Variants in SPRYD4 observed in about 807,000 individuals in gnomAD.
SPRYD4 encodes SPRY domain-containing protein 4.
A neutral mutation model predicts 16.6 loss-of-function variants in SPRYD4; 12 were observed. The observed-to-expected ratio is 0.72, with a 90% CI of 0.46 to 1.17. The LOEUF (loss-of-function observed/expected upper bound fraction) is 1.17. Ranked by LOEUF, SPRYD4 falls within the 50% of genes most tolerant of loss-of-function variation. SPRYD4 has a pLI of 0.00. For missense variants in SPRYD4, 260 were observed against 260.2 expected (o/e 1.00, Z 0.00); for synonymous variants, 98 against 105.4 (o/e 0.93, Z 0.43).
In SPRYD4 at chr12:56,472,486, C is replaced by G. The variant is rs1869372985; in HGVS notation, c.*2909C>G. 4.9e-6 allele frequency: 3 copies of G among 613,658 alleles called. No individual in the cohort carries two copies. The highest frequency in any genetic ancestry group is 8.6e-6 in the Non-Finnish European group (3 of 350,254). 38.0% of individuals were successfully genotyped at this position (613,658 alleles called of 1,614,324 possible). A position where few individuals can be genotyped will look rare whatever the true frequency, so the allele number is the denominator to read the frequency against. On this transcript the variant is annotated 3_prime_UTR_variant, in exon 2 of 2. Coordinates refer to ENST00000338146, the MANE Select transcript of SPRYD4 (RefSeq NM_207344.4). ...GGACACTGCTCTTAACACTCAATAA[C>G]AATGGCTAACATTAATTATCATAGA...
Position 56,468,614 on chromosome 12 carries a change from C to A in SPRYD4, c.23C>A (p.Ser8Tyr), listed in dbSNP as rs148775301. 80 of 1,613,768 alleles carry A rather than the reference C, an allele frequency of 5.0e-5. No homozygotes were observed. The highest frequency in any genetic ancestry group is 6.4e-5 in the Non-Finnish European group (75 of 1,180,000). Residue 8 changes from serine (S) to tyrosine (Y), a missense_variant, in exon 1 of 2, where the codon TCT becomes TAT. Transcript: ENST00000338146. MALLFARSLRLCRWGAKR... is the reference protein window; with the variant it reads MALLFARYLRLCRWGAKR... ...AAGATGGCGCTGCTTTTTGCACGTT[C>A]TTTGCGCTTGTGCCGCTGGGGAGCC...
rs1436352484 is a variant in SPRYD4 at position 56,473,169 on chromosome 12, G to A, written c.*3592G>A. ...CTCTCAAAGTGCAGGGATTACAGGC[G>A]TGAGCCACCGCACCTGGCCTTTGAA... On this transcript the variant is annotated 3_prime_UTR_variant, in exon 2 of 2. Transcript: ENST00000338146. The A allele has an allele frequency of 7.2e-5, 108 of 1,506,306 alleles. No homozygotes were observed. The highest frequency in any genetic ancestry group is 2.5e-4 in the African/African-American group (18 of 72,622). The allele number at this position is 1,506,306 out of a possible 1,614,324, so 93.3% of individuals were successfully genotyped here.
rs1288722370 is a variant in SPRYD4, at chr12:56,476,462, T to C, written c.*6885T>C. On this transcript the variant is annotated 3_prime_UTR_variant, in exon 2 of 2. Coordinates refer to ENST00000338146, the MANE Select transcript of SPRYD4 (RefSeq NM_207344.4). ...CTTACACCCCATGCTGGAGCTTTAC[T>C]CCATCCCATTGGCCAGCATGATGGT... 5.8e-6 allele frequency: 1 copy of C among 171,018 alleles called. No individual in the cohort carries two copies. Among genetic ancestry groups the C allele is most frequent in the Non-Finnish European group, 1.2e-5 (1 of 80,086 alleles). The allele number at this position is 171,018 out of a possible 1,614,324, so 10.6% of individuals were successfully genotyped here.
rs1456688551 is a variant in SPRYD4, at chr12:56,473,826, G to A, written c.*4249G>A. The A allele has an allele frequency of 1.9e-5, 9 of 486,444 alleles. No individual in the cohort carries two copies. Among genetic ancestry groups the A allele is most frequent in the Non-Finnish European group, 2.8e-5 (8 of 283,938 alleles). 30.1% of individuals were successfully genotyped at this position (486,444 alleles called of 1,614,324 possible). A position where few individuals can be genotyped will look rare whatever the true frequency, so the allele number is the denominator to read the frequency against. The stretch of plus-strand genomic sequence containing the variant: ...ATACTTACAGCATTCTGTGCTAGAT[G>A]CTGTGCTAGAACTAGGAACTTCCAT... On this transcript the variant is annotated 3_prime_UTR_variant, in exon 2 of 2. Coordinates refer to ENST00000338146, the MANE Select transcript of SPRYD4 (RefSeq NM_207344.4).
chr12:56,471,421 G>A lies in SPRYD4; in HGVS notation c.*1844G>A, dbSNP rs1869247000. On this transcript the variant is annotated 3_prime_UTR_variant, in exon 2 of 2. Coordinates refer to ENST00000338146, the MANE Select transcript of SPRYD4 (RefSeq NM_207344.4). ...TGTAGCTCTCCATAGTATTTTTGGTGGTTATGGATTACATGTGTGGCCAGC... is the reference window on the plus strand; with the variant it reads ...TGTAGCTCTCCATAGTATTTTTGGTAGTTATGGATTACATGTGTGGCCAGC... The A allele has an allele frequency of 6.7e-7, 1 of 1,495,728 alleles. No homozygotes were observed. Among genetic ancestry groups the A allele is most frequent in the African/African-American group, 1.4e-5 (1 of 71,952 alleles). 92.7% of individuals were successfully genotyped at this position (1,495,728 alleles called of 1,614,324 possible). A position where few individuals can be genotyped will look rare whatever the true frequency, so the allele number is the denominator to read the frequency against.
chr12:56,471,684 A>C lies in SPRYD4; in HGVS notation c.*2107A>C. 1.2e-6 allele frequency: 2 copies of C among 1,612,880 alleles called. No homozygotes were observed. The highest frequency in any genetic ancestry group is 4.5e-5 in the East Asian group (2 of 44,870). On this transcript the variant is annotated 3_prime_UTR_variant, in exon 2 of 2. Coordinates refer to ENST00000338146, the MANE Select transcript of SPRYD4 (RefSeq NM_207344.4). Reference sequence around the variant, plus strand: ...ATATGATCAGGCAAAGGAGACGTGGAGAGTGGTGGTTGTATATATTTGCAT... The same window carrying C: ...ATATGATCAGGCAAAGGAGACGTGGCGAGTGGTGGTTGTATATATTTGCAT...
chr12:56,478,019 C>T lies in SPRYD4; in HGVS notation c.*8442C>T. ...GTGCACGTAGTCAGTGCCTAGGGTG[C>T]TTATGGAGATGGCATAGGTGAGGGG... On this transcript the variant is annotated 3_prime_UTR_variant, in exon 2 of 2. Coordinates refer to ENST00000338146, the MANE Select transcript of SPRYD4 (RefSeq NM_207344.4). The T allele has an allele frequency of 6.2e-7, 1 of 1,614,184 alleles. No individual in the cohort carries two copies. The highest frequency in any genetic ancestry group is 8.5e-7 in the Non-Finnish European group (1 of 1,180,040).
Position 56,475,340 on chromosome 12 carries a change from T to A in SPRYD4, c.*5763T>A. 8.6e-7 allele frequency: 1 copy of A among 1,168,854 alleles called. No homozygotes were observed. Among genetic ancestry groups the A allele is most frequent in the Non-Finnish European group, 1.2e-6 (1 of 852,696 alleles). The allele number at this position is 1,168,854 out of a possible 1,614,324, so 72.4% of individuals were successfully genotyped here. A position where few individuals can be genotyped will look rare whatever the true frequency, so the allele number is the denominator to read the frequency against. On this transcript the variant is annotated 3_prime_UTR_variant, in exon 2 of 2. Transcript: ENST00000338146. The stretch of plus-strand genomic sequence containing the variant: ...AAACACCCCAAACTGTCTAGTCATC[T>A]AGGAAAACTGGTGAAGTTTTTGGCT...
Position 56,475,493 on chromosome 12 carries a change from G to T in SPRYD4, c.*5916G>T. On this transcript the variant is annotated 3_prime_UTR_variant, in exon 2 of 2. Coordinates refer to ENST00000338146, the MANE Select transcript of SPRYD4 (RefSeq NM_207344.4). ...ATGTTTATGAAGGGACTCAGAGGAA[G>T]CTGGAGGGCCAAAGTTCCCCTGGGA... 2.2e-6 allele frequency: 2 copies of T among 903,946 alleles called. No individual in the cohort carries two copies. Among genetic ancestry groups the T allele is most frequent in the Non-Finnish European group, 3.4e-6 (2 of 583,696 alleles). The allele number at this position is 903,946 out of a possible 1,614,324, so 56.0% of individuals were successfully genotyped here.
In SPRYD4 at chr12:56,479,495, T is replaced by G. The variant is rs1870113429; in HGVS notation, c.*9918T>G. The G allele has an allele frequency of 5.1e-6, 2 of 392,240 alleles. No homozygotes were observed. The highest frequency in any genetic ancestry group is 1.2e-4 in the South Asian group (2 of 17,374). The allele number at this position is 392,240 out of a possible 1,614,324, so 24.3% of individuals were successfully genotyped here. A position where few individuals can be genotyped will look rare whatever the true frequency, so the allele number is the denominator to read the frequency against. Reference sequence around the variant, plus strand: ...ATAAAAGTATATTTATATATATTCATGTATGTATGTCAGTACATAGGACAT... The same window carrying G: ...ATAAAAGTATATTTATATATATTCAGGTATGTATGTCAGTACATAGGACAT... On this transcript the variant is annotated 3_prime_UTR_variant, in exon 2 of 2. Coordinates refer to ENST00000338146, the MANE Select transcript of SPRYD4 (RefSeq NM_207344.4).
At position 56,469,562 on chromosome 12, in the gene SPRYD4, G is replaced by A; in HGVS notation, c.609G>A (p.Val203=). ...TGCTGACCCATTCAGGGCTTGAGGT[G>A]CCCGAGGGCCTCTAGTATGTCCATT... is the stretch of plus-strand genomic sequence containing the variant. ...GELLTHSGLE[V]PEGL The change falls in exon 2 of 2, where the codon GTG becomes GTA. Residue 203 remains valine, a synonymous_variant. Transcript: ENST00000338146. 1 of 1,613,442 alleles carries A rather than the reference G, an allele frequency of 6.2e-7. No individual in the cohort carries two copies. Among genetic ancestry groups the A allele is most frequent in the Non-Finnish European group, 8.5e-7 (1 of 1,179,686 alleles).
Position 56,472,921 on chromosome 12 carries a change from T to G in SPRYD4, c.*3344T>G, listed in dbSNP as rs895782193. 3.3e-6 allele frequency: 2 copies of G among 601,166 alleles called. No homozygotes were observed. The highest frequency in any genetic ancestry group is 3.1e-5 in the Admixed American group (1 of 31,776). 37.2% of individuals were successfully genotyped at this position (601,166 alleles called of 1,614,324 possible). On this transcript the variant is annotated 3_prime_UTR_variant, in exon 2 of 2. Coordinates refer to ENST00000338146, the MANE Select transcript of SPRYD4 (RefSeq NM_207344.4). ...TTTTTTTTTTGAGACGGAGTCTCGC[T>G]CTGTCGTTCAGGCTGAAGTGTAGTG...
chr12:56,479,073 G>A lies in SPRYD4; in HGVS notation c.*9496G>A. 6.2e-7 allele frequency: 1 copy of A among 1,612,364 alleles called. No homozygotes were observed. Among genetic ancestry groups the A allele is most frequent in the Non-Finnish European group, 8.5e-7 (1 of 1,179,346 alleles). On this transcript the variant is annotated 3_prime_UTR_variant, in exon 2 of 2. Transcript: ENST00000338146. ...TCACTTTGCCTCCAGTGAGCTCTTT[G>A]ACATCCTCAAAGATGCGATCCACAT...
chr12:56,474,735 A>C lies in SPRYD4; in HGVS notation c.*5158A>C. 6 of 1,608,794 alleles carry C rather than the reference A, an allele frequency of 3.7e-6. No homozygotes were observed. The highest frequency in any genetic ancestry group is 5.1e-6 in the Non-Finnish European group (6 of 1,176,488). The stretch of plus-strand genomic sequence containing the variant: ...ACAGAACACAGCTATGAAAACAAAG[A>C]ATAGGTGAAGATGTGACGTGAACCT... On this transcript the variant is annotated 3_prime_UTR_variant, in exon 2 of 2. Coordinates refer to ENST00000338146, the MANE Select transcript of SPRYD4 (RefSeq NM_207344.4).
intron 1 of SPRYD4, 44 bp from the exon 2 acceptor site, chr12:56,468,995 G>A (rs1204566111): frequency 1.3e-6 from 2 of 1,526,938 alleles, no homozygotes; most frequent in African/African-American, 1.4e-5. Context: ...CAGCCCTAGG[G>A]TTCTAGCCCC....
rs1186834253 is a variant in SPRYD4 at position 56,474,370 on chromosome 12, C to A, written c.*4793C>A. ...TCCCAAAGACATCTCTTTATATATT[C>A]GAGGAACTTGGTGTTTTTGAGAAAC... On this transcript the variant is annotated 3_prime_UTR_variant, in exon 2 of 2. Coordinates refer to ENST00000338146, the MANE Select transcript of SPRYD4 (RefSeq NM_207344.4). 6.7e-6 allele frequency: 5 copies of A among 743,978 alleles called. No individual in the cohort carries two copies. The East Asian group carries it at 1.1e-4, about 16-fold the overall frequency. 46.1% of individuals were successfully genotyped at this position (743,978 alleles called of 1,614,324 possible).
chr12:56,478,989 A>G lies in SPRYD4; in HGVS notation c.*9412A>G, dbSNP rs1870068979. The G allele has an allele frequency of 1.6e-6, 1 of 622,414 alleles. No homozygotes were observed. Among genetic ancestry groups the G allele is most frequent in the Non-Finnish European group, 2.0e-6 (1 of 489,352 alleles). 38.6% of individuals were successfully genotyped at this position (622,414 alleles called of 1,614,324 possible). On this transcript the variant is annotated 3_prime_UTR_variant, in exon 2 of 2. Coordinates refer to ENST00000338146, the MANE Select transcript of SPRYD4 (RefSeq NM_207344.4). ...ACAGAGCAAAACTCTGTCTCAGGAA[A>G]AAAAAAAAAAAAAAAAATCTGGCCC...
At position 56,479,398 on chromosome 12, in the gene SPRYD4, G is replaced by C. The variant is rs895996124; in HGVS notation, c.*9821G>C. The C allele has an allele frequency of 2.0e-6, 1 of 509,988 alleles. No homozygotes were observed. The highest frequency in any genetic ancestry group is 3.8e-5 in the Admixed American group (1 of 26,590). 31.6% of individuals were successfully genotyped at this position (509,988 alleles called of 1,614,324 possible). On this transcript the variant is annotated 3_prime_UTR_variant, in exon 2 of 2. Transcript: ENST00000338146. Reference sequence around the variant, plus strand: ...GATGTGGAAAGACACTATGTCTTGGGATATGAGAAAAAAAATAAATACCAG... The same window carrying C: ...GATGTGGAAAGACACTATGTCTTGGCATATGAGAAAAAAAATAAATACCAG...
At position 56,475,027 on chromosome 12, in the gene SPRYD4, C is replaced by T. The variant is rs111732164; in HGVS notation, c.*5450C>T. 2.4e-5 allele frequency: 39 copies of T among 1,614,070 alleles called. No individual in the cohort carries two copies. The highest frequency in any genetic ancestry group is 1.7e-4 in the Middle Eastern group (1 of 5,976). ...CAGAATTCCCAGGGACTTTCTCTTCCGGCCTCTTCTGGTTACCTTCTTTTC... is the reference window on the plus strand; with the variant it reads ...CAGAATTCCCAGGGACTTTCTCTTCTGGCCTCTTCTGGTTACCTTCTTTTC... On this transcript the variant is annotated 3_prime_UTR_variant, in exon 2 of 2. Coordinates refer to ENST00000338146, the MANE Select transcript of SPRYD4 (RefSeq NM_207344.4).
Sources: gnomAD v4.1 joint callset for allele counts on GRCh38, gnomAD v4.1.1 for gene constraint, MANE v1.5 for transcripts, NCBI Gene and HGNC (gene_info 2026-07-23, HGNC 2026-07-21) for gene names.